Variants in MAGOH observed in about 807,000 individuals in gnomAD.
MAGOH encodes protein mago nashi homolog.
In MAGOH, 3 loss-of-function variants were observed where a neutral mutation model predicts 20.9. That is an observed-to-expected ratio of 0.14 (90% CI 0.07 to 0.37). The LOEUF (loss-of-function observed/expected upper bound fraction) is 0.37. MAGOH is among the 10% of genes least tolerant of loss of function. The pLI, the probability that MAGOH is intolerant of heterozygous loss-of-function variation, is 1.00. For synonymous variants in MAGOH, 51 were observed against 61.0 expected, an observed-to-expected ratio of 0.84 and a Z score of 0.76; for missense variants, 66 against 178.1, an observed-to-expected ratio of 0.37 and a Z score of 3.58.
At chr1:53,233,853 C>T in intron 2 of MAGOH, 1 of 497,176 alleles carries the variant, frequency 2.0e-6, no homozygotes, top group Non-Finnish European at 3.6e-6. Flanking sequence ...CCTCAGTCCC[C>T]TATCTAGCTG....
chr1:53,228,140 A>G (rs1029145282), intron 4 of MAGOH, among the ~76,000 whole-genome samples: 3 of 152,140 alleles, frequency 2.0e-5, no homozygotes, highest in Non-Finnish European at 2.9e-5. Context: ...GTAAAAAACA[A>G]TAAATTTAAG....
chr1:53,238,495 C>A lies in MAGOH; in HGVS notation c.-47G>T. 6.6e-7 allele frequency: 1 copy of A among 1,521,338 alleles called. No individual in the cohort carries two copies. The highest frequency in any genetic ancestry group is 1.1e-5 in the South Asian group (1 of 89,250). 94.2% of individuals were successfully genotyped at this position (1,521,338 alleles called of 1,614,324 possible). On this transcript the variant is annotated 5_prime_UTR_variant, in exon 1 of 5. Transcript: ENST00000371470. ...CCTGAACTTCCAAGAGCAAGCCGCA[C>A]TGCCGCCGTCTGCGCCCGACACTGA...
intron 3 of MAGOH, among the ~76,000 whole-genome samples, chr1:53,230,089 C>T (rs1433315991): frequency 6.6e-6 from 1 of 152,246 alleles, no homozygotes; most frequent in Non-Finnish European, 1.5e-5. Flanking sequence ...GTGTAGCCTA[C>T]TGGGTGCTGG....
At chr1:53,237,765 G>A (rs988123211) in intron 1 of MAGOH, among the ~76,000 whole-genome samples, 1 of 146,724 alleles carries the variant, frequency 6.8e-6, no homozygotes, top group Non-Finnish European at 1.5e-5. Flanking sequence ...CTACCTATCC[G>A]ACATCATCTC....
chr1:53,235,627 T>G lies in MAGOH; in HGVS notation c.97A>C (p.Arg33=). ...TTGTAATTGCTGTTGTTGGCATATCTTAACTTCCCTGTGGGGGCAAAAAAC... is the reference window on the plus strand; with the variant it reads ...TTGTAATTGCTGTTGTTGGCATATCGTAACTTCCCTGTGGGGGCAAAAAAC... ...EFEFRPDGKL[R]YANNSNYKND... The change falls in exon 2 of 5, where the codon AGA becomes CGA. Residue 33 remains arginine (R), a synonymous_variant. Transcript: ENST00000371470. The G allele has an allele frequency of 6.2e-7, 1 of 1,613,962 alleles. No individual in the cohort carries two copies. Among genetic ancestry groups the G allele is most frequent in the African/African-American group, 1.3e-5 (1 of 75,068 alleles).
At chr1:53,232,306 T>C (rs971373770) in intron 3 of MAGOH, among the ~76,000 whole-genome samples, 1 of 152,228 alleles carries the variant, frequency 6.6e-6, no homozygotes, top group African/African-American at 2.4e-5. Flanking sequence ...TACATTATTA[T>C]TGAGCTTTTA....
At chr1:53,230,317 A>G (rs1645580294) in intron 3 of MAGOH, among the ~76,000 whole-genome samples, 1 of 152,204 alleles carries the variant, frequency 6.6e-6, no homozygotes, top group Non-Finnish European at 1.5e-5. Context: ...TTTTTTTTAA[A>G]AAAGAAGTAA....
At chr1:53,236,710 C>T (rs1645612095) in intron 1 of MAGOH, among the ~76,000 whole-genome samples, 1 of 152,196 alleles carries the variant, frequency 6.6e-6, no homozygotes, top group African/African-American at 2.4e-5. Context: ...TACCACAACA[C>T]CTAATGTGCT....
chr1:53,230,992 A>G (rs1335195718), intron 3 of MAGOH, among the ~76,000 whole-genome samples: 3 of 152,172 alleles, frequency 2.0e-5, no homozygotes, highest in Non-Finnish European at 2.9e-5. Context: ...GTCTCCATAT[A>G]ATTCCTAGTA....
chr1:53,233,771 T>A (rs1557728535), intron 2 of MAGOH, 119 bp from the exon 3 acceptor site: 3 of 701,528 alleles, frequency 4.3e-6, no homozygotes, highest in Non-Finnish European at 7.6e-6. Flanking sequence ...TCTCCTTAAG[T>A]GGGAAGACAT....
At chr1:53,228,740 GAAGGACA>G in intron 4 of MAGOH, 125 bp downstream of exon 4, 1 of 692,706 alleles carries the variant, frequency 1.4e-6, no homozygotes, top group Non-Finnish European at 2.5e-6. Flanking sequence ...TCCCTAACAA[GAAGGACA>G]AAGCTGCCCA....
At chr1:53,234,299 C>T (rs2100307250) in intron 2 of MAGOH, among the ~76,000 whole-genome samples, 1 of 152,072 alleles carries the variant, frequency 6.6e-6, no homozygotes, top group Non-Finnish European at 1.5e-5. Context: ...ATTTTTACTG[C>T]TTACAAATTA....
At chr1:53,234,122 T>C (rs1645599677) in intron 2 of MAGOH, among the ~76,000 whole-genome samples, 1 of 152,160 alleles carries the variant, frequency 6.6e-6, no homozygotes, top group Admixed American at 6.5e-5. Context: ...GGGAACTAGC[T>C]GGCCCCTTTC....
chr1:53,229,607 C>T (rs1406634467), intron 3 of MAGOH, among the ~76,000 whole-genome samples: 1 of 152,082 alleles, frequency 6.6e-6, no homozygotes, highest in African/African-American at 2.4e-5. Context: ...AACATGAATA[C>T]ACCTATGTTT....
chr1:53,230,057 A>G (rs1202376722), intron 3 of MAGOH, among the ~76,000 whole-genome samples: 3 of 152,258 alleles, frequency 2.0e-5, no homozygotes, highest in African/African-American at 4.8e-5. Flanking sequence ...CATGAGTACC[A>G]TAACCTTCAA....
intron 1 of MAGOH, among the ~76,000 whole-genome samples, chr1:53,236,949 CTTT>C (rs55693928): frequency 1.6e-5 from 2 of 128,020 alleles, no homozygotes; most frequent in Admixed American, 1.6e-4. Flanking sequence ...CAACCAGTAT[CTTT>C]TTTTTTTTTT....
At chr1:53,236,714 A>C (rs1189427725) in intron 1 of MAGOH, among the ~76,000 whole-genome samples, 3 of 152,044 alleles carry the variant, frequency 2.0e-5, no homozygotes, top group Non-Finnish European at 4.4e-5. Context: ...ACAACACCTA[A>C]TGTGCTGTTT....
At chr1:53,227,275 G>T (rs1396929112) in intron 4 of MAGOH, 131 bp from the exon 5 acceptor site, 1 of 479,570 alleles carries the variant, frequency 2.1e-6, no homozygotes, top group Non-Finnish European at 3.7e-6. Flanking sequence ...TTAATATAGG[G>T]AAATGCTTAC....
chr1:53,237,055 T>C (rs1187884804), intron 1 of MAGOH, among the ~76,000 whole-genome samples: 1 of 151,282 alleles, frequency 6.6e-6, no homozygotes, highest in African/African-American at 2.4e-5. Flanking sequence ...TTCAAGAGAT[T>C]CTCCTGTCTC....
Sources: allele counts gnomAD v4.1 joint callset (sites outside exome capture counted in the v4.1 genomes callset), GRCh38; gene constraint gnomAD v4.1.1; transcripts MANE v1.5; gene names NCBI Gene and HGNC (gene_info 2026-07-23, HGNC 2026-07-21).